The following CAMTA1 variants were observed in gnomAD, a reference collection of about 807,000 sequenced individuals.
CAMTA1 encodes calmodulin-binding transcription activator 1.
Under a neutral mutation model 170.9 loss-of-function variants are expected in CAMTA1, and 27 were observed. That is an observed-to-expected ratio of 0.16 (90% CI 0.12 to 0.22). The LOEUF (loss-of-function observed/expected upper bound fraction) is 0.22. CAMTA1 is among the 10% of genes least tolerant of loss of function. The probability of loss-of-function intolerance (pLI) is 1.00; values close to 1 mark genes in which losing one functional copy is unlikely to be tolerated. For missense variants in CAMTA1, 1,619 were observed against 2,217.2 expected, an observed-to-expected ratio of 0.73 and a Z score of 5.42; for synonymous variants, 833 against 891.5, an observed-to-expected ratio of 0.93 and a Z score of 1.17.
intron 6 of CAMTA1, among the ~76,000 whole-genome samples, chr1:7,524,674 C>T (rs2094409297): frequency 6.6e-6 from 1 of 152,070 alleles, no homozygotes; most frequent in Non-Finnish European, 1.5e-5. Context: ...GAGAGCAGTT[C>T]CCTCATTTGT....
chr1:7,019,071 T>C (rs539867801), intron 3 of CAMTA1, among the ~76,000 whole-genome samples: 1 of 152,340 alleles, frequency 6.6e-6, no homozygotes, highest in East Asian at 1.9e-4. Context: ...CCTTTGGTGC[T>C]ACCATGACAA....
intron 5 of CAMTA1, among the ~76,000 whole-genome samples, chr1:7,328,973 T>G (rs1490957430): frequency 1.3e-5 from 2 of 152,210 alleles, no homozygotes; most frequent in Non-Finnish European, 2.9e-5. Flanking sequence ...GGTTCTCACA[T>G]ATGGAGAATT....
At chr1:7,020,631 C>T (rs1319272859) in intron 3 of CAMTA1, among the ~76,000 whole-genome samples, 1 of 152,250 alleles carries the variant, frequency 6.6e-6, no homozygotes, top group Non-Finnish European at 1.5e-5. Context: ...TCATGCCCCT[C>T]TGAGGGCTCC....
intron 6 of CAMTA1, among the ~76,000 whole-genome samples, chr1:7,627,902 T>C (rs2095643950): frequency 1.3e-5 from 2 of 152,198 alleles, no homozygotes; most frequent in African/African-American, 4.8e-5. Flanking sequence ...TCAGCAATCA[T>C]AGCGGTGGGG....
At chr1:7,392,238 C>T (rs2088789615) in intron 5 of CAMTA1, among the ~76,000 whole-genome samples, 1 of 146,664 alleles carries the variant, frequency 6.8e-6, no homozygotes, top group Non-Finnish European at 1.5e-5. Context: ...CTCCAAACCT[C>T]AACATGGTGA....
chr1:7,233,907 G>T (rs1663314163), intron 4 of CAMTA1, among the ~76,000 whole-genome samples: 1 of 152,082 alleles, frequency 6.6e-6, no homozygotes, highest in Non-Finnish European at 1.5e-5. Context: ...CTCTGCCCTG[G>T]TCTGGACCCA....
At chr1:7,578,933 C>T (rs1362689326) in intron 6 of CAMTA1, among the ~76,000 whole-genome samples, 1 of 152,210 alleles carries the variant, frequency 6.6e-6, no homozygotes, top group Non-Finnish European at 1.5e-5. Flanking sequence ...CACATTCAAC[C>T]CACAGCTGTG....
At chr1:7,256,697 T>C (rs532573228) in intron 5 of CAMTA1, among the ~76,000 whole-genome samples, 67 of 152,344 alleles carry the variant, frequency 4.4e-4, no homozygotes, top group African/African-American at 1.6e-3. Flanking sequence ...CAAAAGATCA[T>C]AGACTGGGTG....
chr1:7,192,083 T>C (rs1360243557), intron 4 of CAMTA1, among the ~76,000 whole-genome samples: 2 of 152,236 alleles, frequency 1.3e-5, no homozygotes, highest in African/African-American at 4.8e-5. Flanking sequence ...TGGACACATC[T>C]GAGATGCATT....
Position 7,286,099 on chromosome 1 carries a change from C to T in CAMTA1, c.438+36473C>T, listed in dbSNP as rs1398095062. On this transcript the variant is annotated intron_variant, in intron 5 of 22. Transcript: ENST00000303635. The surrounding 1 kb of genome is among the most constrained non-coding windows in gnomAD (Gnocchi z 4.2). ...ATTCTGAAGACTCAGGGACCAGCGC[C>T]ACATGGTCTCTGTTCTTGAGGTGTG... Among the ~76,000 whole-genome samples the T allele has an allele frequency of 6.6e-6, 1 of 152,180 alleles. No individual in the cohort carries two copies. Among genetic ancestry groups the T allele is most frequent in the Non-Finnish European group, 1.5e-5 (1 of 68,028 alleles).
intron 5 of CAMTA1, among the ~76,000 whole-genome samples, chr1:7,353,431 C>CT (rs34163773): frequency 0.86 from 120,121 of 138,892 alleles, 52,027 homozygotes; most frequent in East Asian, 0.99. Flanking sequence ...TTCTTTCTCT[C>CT]TTTTTTTTTT....
intron 3 of CAMTA1, among the ~76,000 whole-genome samples, chr1:7,054,503 C>T (rs1706988329): frequency 6.6e-6 from 1 of 152,210 alleles, no homozygotes; most frequent in South Asian, 2.1e-4. Flanking sequence ...GCAGCAAGTT[C>T]TCTCCTCTTA....
chr1:7,439,945 C>T (rs1215316787), intron 5 of CAMTA1, among the ~76,000 whole-genome samples: 2 of 152,248 alleles, frequency 1.3e-5, no homozygotes, highest in East Asian at 1.9e-4. Context: ...GATCCCTTCA[C>T]AGAATCATCG....
At chr1:7,591,670 G>T (rs1484835406) in intron 6 of CAMTA1, among the ~76,000 whole-genome samples, 2 of 152,174 alleles carry the variant, frequency 1.3e-5, no homozygotes, top group African/African-American at 2.4e-5. Context: ...TGAAATCCAA[G>T]TTACCACTCT....
chr1:7,138,281 A>T (rs1006641128), intron 4 of CAMTA1, among the ~76,000 whole-genome samples: 1 of 152,154 alleles, frequency 6.6e-6, no homozygotes, highest in African/African-American at 2.4e-5. Flanking sequence ...TGTGAGCCAC[A>T]GTGCTTGGCC....
intron 1 of CAMTA1, among the ~76,000 whole-genome samples, chr1:6,796,671 T>TGTCC (rs1642593092): frequency 6.6e-6 from 1 of 152,202 alleles, no homozygotes; most frequent in South Asian, 2.1e-4. Flanking sequence ...ATTCCTTGTA[T>TGTCC]TGGACTTAGG....
chr1:7,032,128 G>A (rs561938521), intron 3 of CAMTA1, among the ~76,000 whole-genome samples: 38 of 151,996 alleles, frequency 2.5e-4, no homozygotes, highest in Non-Finnish European at 4.9e-4. Flanking sequence ...ACCATGTCTA[G>A]CTAATTTTTG....
At chr1:6,841,667 T>C (rs1168886494) in intron 3 of CAMTA1, among the ~76,000 whole-genome samples, 1 of 152,124 alleles carries the variant, frequency 6.6e-6, no homozygotes, top group Non-Finnish European at 1.5e-5. Context: ...GGAGACGGAA[T>C]GTGGAACAGA....
At chr1:7,454,873 G>A (rs1032116030) in intron 5 of CAMTA1, among the ~76,000 whole-genome samples, 3 of 152,164 alleles carry the variant, frequency 2.0e-5, no homozygotes, top group African/African-American at 7.2e-5. Flanking sequence ...AGCGCTCACA[G>A]TGCAGCCCTT....
Sources: gnomAD v4.1 joint callset for allele counts (sites outside exome capture counted in the v4.1 genomes callset) on GRCh38, gnomAD v4.1.1 for gene constraint, Gnocchi (gnomAD v3.1) non-coding constraint, MANE v1.5 for transcripts, NCBI Gene and HGNC (gene_info 2026-07-23, HGNC 2026-07-21) for gene names.